The following CRLF1 variants were observed in gnomAD, a reference collection of about 807,000 sequenced individuals.
CRLF1 encodes cytokine receptor like factor 1.
In CRLF1, 36 loss-of-function variants were observed where a neutral mutation model predicts 48.9. The observed-to-expected ratio is 0.74, with a 90% CI of 0.56 to 0.97. The LOEUF (loss-of-function observed/expected upper bound fraction) is 0.97. CRLF1 is among the 50% of genes least tolerant of loss of function. The pLI, the probability that CRLF1 is intolerant of heterozygous loss-of-function variation, is 0.00. For missense variants in CRLF1, 534 were observed against 575.1 expected (o/e 0.93, Z 0.73); for synonymous variants, 256 against 253.4 (o/e 1.01, Z -0.10).
chr19:18,595,021 C>T (rs563931372), intron 6 of CRLF1, among the ~76,000 whole-genome samples: 2 of 152,250 alleles, frequency 1.3e-5, no homozygotes, highest in Non-Finnish European at 1.5e-5. Flanking sequence ...ATGGGACTGT[C>T]CCCAGCATGG....
intron 1 of CRLF1, among the ~76,000 whole-genome samples, chr19:18,602,736 C>T (rs143387841): frequency 1.3e-5 from 2 of 151,738 alleles, no homozygotes; most frequent in Non-Finnish European, 2.9e-5. Context: ...GATCTTTAAA[C>T]CAAGTTGACC....
intron 1 of CRLF1, among the ~76,000 whole-genome samples, chr19:18,603,307 T>C (rs1307487327): frequency 1.3e-5 from 2 of 152,150 alleles, no homozygotes; most frequent in African/African-American, 2.4e-5. Flanking sequence ...CGGCAGAAGC[T>C]TGGGAGGCCT....
chr19:18,598,818 C>T lies in CRLF1; in HGVS notation c.481G>A (p.Gly161Arg), dbSNP rs141162071. 98 of 1,614,080 alleles carry T rather than the reference C, an allele frequency of 6.1e-5. No individual in the cohort carries two copies. Among genetic ancestry groups the T allele is most frequent in the Middle Eastern group, 3.3e-4 (2 of 6,062 alleles). ...TAGTTGGTGTGGAGGAAGGTCTCCCCGTGGGCCCCTGGCGTCCAGCGGCAG... is the reference window on the plus strand; with the variant it reads ...TAGTTGGTGTGGAGGAAGGTCTCCCTGTGGGCCCCTGGCGTCCAGCGGCAG... Reference protein sequence around the residue: ...LTCRWTPGAHGETFLHTNYSL... With the variant: ...LTCRWTPGAHRETFLHTNYSL... Residue 161 changes from glycine to arginine, a missense_variant, in exon 3 of 9, where the codon GGG becomes AGG. Around this residue, in one of 2 missense-constraint regions of CRLF1, gnomAD observed 528 missense variants for 555.7 expected, o/e 0.95. Coordinates refer to ENST00000392386, the MANE Select transcript of CRLF1 (RefSeq NM_004750.5).
In CRLF1 at chr19:18,599,842, T is replaced by TGTGTCTGGGGTCAAAGAGGAACAC; in HGVS notation, c.116-20_119dup (p.Thr40_Ala41insCysSerSerLeuThrProAspThr). 6.5e-7 allele frequency: 1 copy of TGTGTCTGGGGTCAAAGAGGAACAC among 1,529,452 alleles called. No homozygotes were observed. The highest frequency in any genetic ancestry group is 2.0e-5 in the Admixed American group (1 of 48,866). 94.7% of individuals were successfully genotyped at this position (1,529,452 alleles called of 1,614,324 possible). ...TGGGATCCTGGGGACTGATCACAGC[T>TGTGTCTGGGGTCAAAGAGGAACAC]GTGTCTGGGGTCAAAGAGGAACACG... On this transcript the variant is annotated inframe_insertion, in exon 2 of 9. Coordinates refer to ENST00000392386, the MANE Select transcript of CRLF1 (RefSeq NM_004750.5).
rs1187423471 is a variant in CRLF1, at chr19:18,593,554, A to G, written c.*12T>C. 6 of 1,610,410 alleles carry G rather than the reference A, an allele frequency of 3.7e-6. No homozygotes were observed. The Admixed American group carries it at 8.4e-5, about 23-fold the overall frequency. ...TCCACGTGGCAGGGAGGGTGGCCTG[A>G]GCCCCTACAGCTTATCTGGCAGGAC... On this transcript the variant is annotated 3_prime_UTR_variant, in exon 9 of 9. Transcript: ENST00000392386.
Position 18,598,479 on chromosome 19 carries a change from A to G in CRLF1, c.650T>C (p.Leu217Pro). 1 of 1,614,120 alleles carries G rather than the reference A, an allele frequency of 6.2e-7. No individual in the cohort carries two copies. Among genetic ancestry groups the G allele is most frequent in the Non-Finnish European group, 8.5e-7 (1 of 1,179,996 alleles). The part of the protein sequence containing the change: ...YEIWVEATNR[L>P]GSARSDVLTL... The stretch of plus-strand genomic sequence containing the variant: ...GAGTACATCGGAGCGGGCAGAGCCC[A>G]GGCGGTTGGTGGCCTCCACCCAGAT... The change falls in exon 4 of 9, where the codon CTG becomes CCG. Residue 217 changes from leucine (L) to proline (P), a missense_variant. This residue lies in a region of CRLF1 where 528 missense variants were observed against 555.7 expected (regional missense o/e 0.95). Transcript: ENST00000392386.
Position 18,593,981 on chromosome 19 carries a change from C to G in CRLF1, c.1255+84G>C. ...CGACTCTAAGGCTGGGGTTGGGAGG[C>G]GTGGGGGTGTGAACAAGACCTGCAG... is the stretch of plus-strand genomic sequence containing the variant. On this transcript the variant is annotated intron_variant, in intron 8 of 8. Transcript: ENST00000392386. 2.0e-6 allele frequency: 3 copies of G among 1,520,172 alleles called. No homozygotes were observed. In the South Asian group the frequency reaches 3.6e-5, roughly 18 times the overall value. 94.2% of individuals were successfully genotyped at this position (1,520,172 alleles called of 1,614,324 possible).
chr19:18,597,315 C>T (rs1363013876), intron 4 of CRLF1, among the ~76,000 whole-genome samples: 1 of 152,222 alleles, frequency 6.6e-6, no homozygotes, highest in East Asian at 1.9e-4. Context: ...GGAAAGCAGC[C>T]ATTGCGGGGT....
intron 2 of CRLF1, 55 bp downstream of exon 2, chr19:18,599,510 G>C: frequency 1.9e-6 from 3 of 1,608,662 alleles, no homozygotes; most frequent in East Asian, 4.5e-5. Flanking sequence ...CCTCACTCCA[G>C]AGGGAGATGC....
chr19:18,605,843 C>T (rs1976286394), intron 1 of CRLF1, among the ~76,000 whole-genome samples: 1 of 152,140 alleles, frequency 6.6e-6, no homozygotes, highest in Non-Finnish European at 1.5e-5. Context: ...CCGCTGGTGC[C>T]CGGACTCACT....
chr19:18,593,790 G>A (rs550428992), intron 8 of CRLF1: 1 of 985,470 alleles, frequency 1.0e-6, no homozygotes, highest in Non-Finnish European at 1.2e-6. Flanking sequence ...AGGCGCCCAT[G>A]CGTGCTAACT....
At chr19:18,595,291 C>A (rs1443361932) in intron 6 of CRLF1, among the ~76,000 whole-genome samples, 1 of 152,216 alleles carries the variant, frequency 6.6e-6, no homozygotes, top group African/African-American at 2.4e-5. Flanking sequence ...GTGCCGGGCA[C>A]GAGCAGGGGC....
intron 6 of CRLF1, 34 bp from the exon 7 acceptor site, chr19:18,594,468 G>T: frequency 2.3e-6 from 3 of 1,317,682 alleles, no homozygotes. Context: ...GTCAGAGCGC[G>T]CCCGGCAGGG....
intron 1 of CRLF1, among the ~76,000 whole-genome samples, chr19:18,604,128 C>A (rs1289863641): frequency 6.6e-6 from 1 of 152,204 alleles, no homozygotes; most frequent in Admixed American, 6.5e-5. Context: ...CCCCACCACC[C>A]GCCAGCTTGG....
At chr19:18,594,030 G>GCGGGGGCC in intron 8 of CRLF1, 35 bp downstream of exon 8, 1 of 1,315,312 alleles carries the variant, frequency 7.6e-7, no homozygotes, top group Non-Finnish European at 1.1e-6. Flanking sequence ...CCCTCCCCTT[G>GCGGGGGCC]CTCCCTCCCG....
intron 8 of CRLF1, 33 bp downstream of exon 8, chr19:18,594,032 T>TTGCGGCC: frequency 1.4e-6 from 1 of 695,814 alleles, no homozygotes; most frequent in Non-Finnish European, 2.2e-6. Flanking sequence ...CTCCCCTTGC[T>TTGCGGCC]CCCTCCCGCC....
chr19:18,593,393 A>T lies in CRLF1; in HGVS notation c.*173T>A. ...CACACACCCACTGGGGTGCACCCAAAGGTGGCCTCACGTGGGAGTCAGAGC... is the reference window on the plus strand; with the variant it reads ...CACACACCCACTGGGGTGCACCCAATGGTGGCCTCACGTGGGAGTCAGAGC... On this transcript the variant is annotated 3_prime_UTR_variant, in exon 9 of 9. Coordinates refer to ENST00000392386, the MANE Select transcript of CRLF1 (RefSeq NM_004750.5). The T allele has an allele frequency of 1.2e-6, 1 of 824,486 alleles. No homozygotes were observed. The highest frequency in any genetic ancestry group is 1.9e-6 in the Non-Finnish European group (1 of 521,582). 51.1% of individuals were successfully genotyped at this position (824,486 alleles called of 1,614,324 possible). A position where few individuals can be genotyped will look rare whatever the true frequency, so the allele number is the denominator to read the frequency against.
chr19:18,596,279 C>G (rs1420236425), intron 6 of CRLF1, among the ~76,000 whole-genome samples: 1 of 152,158 alleles, frequency 6.6e-6, no homozygotes, highest in Non-Finnish European at 1.5e-5. Context: ...TGTCTCACAC[C>G]TGTAATCCCA....
chr19:18,597,461 G>A (rs1277182832), intron 4 of CRLF1, among the ~76,000 whole-genome samples: 2 of 65,302 alleles, frequency 3.1e-5, no homozygotes, highest in African/African-American at 1.5e-4. Flanking sequence ...ACGGAGTCTC[G>A]CTCTGTCGCC....
Sources: allele counts gnomAD v4.1 joint callset (sites outside exome capture counted in the v4.1 genomes callset), GRCh38; gene constraint gnomAD v4.1.1; regional missense constraint gnomAD v4.1.1; transcripts MANE v1.5; gene names NCBI Gene and HGNC (gene_info 2026-07-23, HGNC 2026-07-21).